NLGN1: variants seen among roughly 807,000 people sequenced by gnomAD.
NLGN1 encodes the protein neuroligin-1.
Under a neutral mutation model 65.5 loss-of-function variants are expected in NLGN1, and 12 were observed. The ratio of observed to expected loss-of-function variants is 0.18; its 90% CI spans 0.12 to 0.30. The LOEUF is 0.30. Ranked by LOEUF, NLGN1 falls within the 10% of genes least tolerant of loss-of-function variation. NLGN1 has a pLI of 1.00. For missense variants in NLGN1, 750 were observed against 1,007.1 expected, an observed-to-expected ratio of 0.74 and a Z score of 3.46; for synonymous variants, 350 against 359.5, an observed-to-expected ratio of 0.97 and a Z score of 0.30.
Position 173,675,887 on chromosome 3 carries a change from T to TCTCA in NLGN1, c.493+70797_493+70798insTCAC, listed in dbSNP as rs756157881. ...CTCTTTGTCTCTCTCTCTCTCTCTC[T>TCTCA]CACACACACACACACACACACACAC... On this transcript the variant is annotated intron_variant, in intron 3 of 6. Transcript: ENST00000457714. Among the ~76,000 whole-genome samples, 974 of 138,616 alleles carry TCTCA rather than the reference T, an allele frequency of 7.0e-3. 13 individuals are homozygous for TCTCA. The highest frequency in any genetic ancestry group is 0.019 in the African/African-American group (676 of 35,692). 90.9% of individuals were successfully genotyped at this position (138,616 alleles called of 152,430 possible). A position where few individuals can be genotyped will look rare whatever the true frequency, so the allele number is the denominator to read the frequency against.
At chr3:174,018,119 T>C (rs1726989889) in intron 4 of NLGN1, among the ~76,000 whole-genome samples, 1 of 152,140 alleles carries the variant, frequency 6.6e-6, no homozygotes, top group African/African-American at 2.4e-5. Context: ...AATTCAGCAA[T>C]ATTTCTCCTA....
intron 4 of NLGN1, among the ~76,000 whole-genome samples, chr3:173,952,016 T>C (rs1485414420): frequency 1.3e-5 from 2 of 152,202 alleles, no homozygotes; most frequent in South Asian, 2.1e-4. Flanking sequence ...ACATTTAATA[T>C]TGCACCTGAT....
intron 4 of NLGN1, among the ~76,000 whole-genome samples, chr3:174,145,609 T>A (rs1723082735): frequency 6.6e-6 from 1 of 152,176 alleles, no homozygotes; most frequent in Non-Finnish European, 1.5e-5. Context: ...TAAAAATGAA[T>A]CATCATTCTT....
intron 4 of NLGN1, among the ~76,000 whole-genome samples, chr3:174,118,421 A>G (rs1717021765): frequency 6.6e-6 from 1 of 152,194 alleles, no homozygotes; most frequent in South Asian, 2.1e-4. Flanking sequence ...TGTTTGTTGC[A>G]GGCTCTGAGA....
intron 3 of NLGN1, among the ~76,000 whole-genome samples, chr3:173,768,763 C>T (rs1265207998): frequency 2.6e-5 from 4 of 152,132 alleles, no homozygotes; most frequent in African/African-American, 4.8e-5. Context: ...AGCCCCAAAA[C>T]CAAACTAACA....
chr3:174,238,368 TTTG>T (rs1377081693), intron 4 of NLGN1, among the ~76,000 whole-genome samples: 1 of 152,044 alleles, frequency 6.6e-6, no homozygotes, highest in Non-Finnish European at 1.5e-5. Flanking sequence ...TTCTTTTTTT[TTTG>T]TTGTTTGTTT....
intron 3 of NLGN1, among the ~76,000 whole-genome samples, chr3:173,630,184 A>T (rs1755460549): frequency 6.6e-6 from 1 of 152,176 alleles, no homozygotes; most frequent in African/African-American, 2.4e-5. Flanking sequence ...AACAAGGAGA[A>T]AAGAGCTTAA....
chr3:174,227,571 A>AT (rs1739950512), intron 4 of NLGN1, among the ~76,000 whole-genome samples: 1 of 152,084 alleles, frequency 6.6e-6, no homozygotes, highest in African/African-American at 2.4e-5. Context: ...GGAAAGTTAT[A>AT]TTTTTAGGTA....
At chr3:174,066,560 C>CTGTGTGTGTGTG (rs1326570279) in intron 4 of NLGN1, among the ~76,000 whole-genome samples, 25 of 133,986 alleles carry the variant, frequency 1.9e-4, no homozygotes, top group African/African-American at 6.5e-4. Context: ...CTCTCTCTCT[C>CTGTGTGTGTGTG]TCTCTGTGTG....
intron 4 of NLGN1, among the ~76,000 whole-genome samples, chr3:174,222,908 C>A (rs1237035422): frequency 6.6e-6 from 1 of 151,930 alleles, no homozygotes; most frequent in Non-Finnish European, 1.5e-5. Flanking sequence ...TAACTTTTTT[C>A]TTTCTACTTC....
intron 4 of NLGN1, among the ~76,000 whole-genome samples, chr3:174,137,522 C>T (rs1029078249): frequency 3.3e-5 from 5 of 152,098 alleles, no homozygotes; most frequent in African/African-American, 1.2e-4. Flanking sequence ...CTAAAATCTA[C>T]TTTGGCAAAC....
chr3:173,941,623 CT>C (rs1272164423), intron 4 of NLGN1, among the ~76,000 whole-genome samples: 1 of 151,468 alleles, frequency 6.6e-6, no homozygotes, highest in African/African-American at 2.4e-5. Flanking sequence ...CTTTTGAGGG[CT>C]TTTTTAGATA....
At chr3:174,286,307 A>G (rs1461204787) in exon 7 of NLGN1, 1 of 151,468 alleles carries the variant, frequency 6.6e-6, no homozygotes, top group African/African-American at 2.4e-5. Context: ...AATTGCTAGC[A>G]GTTTTGAGTT....
chr3:173,823,256 C>T (rs1201543870), intron 4 of NLGN1, among the ~76,000 whole-genome samples: 2 of 152,054 alleles, frequency 1.3e-5, no homozygotes, highest in South Asian at 2.1e-4. Flanking sequence ...ACTTTTGGAT[C>T]GGTGCTGTCT....
chr3:173,565,677 A>G lies in NLGN1; in HGVS notation c.-320-38602A>G, dbSNP rs367575944. Among the ~76,000 whole-genome samples the G allele has an allele frequency of 1.1e-4, 17 of 152,292 alleles. 1 individual carries two copies. Among genetic ancestry groups the G allele is most frequent in the Admixed American group, 2.0e-4 (3 of 15,306 alleles). ...AGAGAAAAAAGCAGCAGCTCCAGAC[A>G]TGCGTCTTCAAATTCCTAGTTATAT... On this transcript the variant is annotated intron_variant, in intron 2 of 6. Transcript: ENST00000457714.
At chr3:174,266,436 A>C (rs1197261179) in intron 4 of NLGN1, among the ~76,000 whole-genome samples, 1 of 152,036 alleles carries the variant, frequency 6.6e-6, no homozygotes, top group Non-Finnish European at 1.5e-5. Flanking sequence ...TATGTACGAC[A>C]TTTTCTTTAT....
chr3:173,861,563 C>T (rs955580713), intron 4 of NLGN1, among the ~76,000 whole-genome samples: 11 of 142,834 alleles, frequency 7.7e-5, no homozygotes, highest in South Asian at 2.3e-4. Flanking sequence ...TGTGTATATA[C>T]ACACACACAT....
At chr3:174,207,998 T>C (rs1735747995) in intron 4 of NLGN1, among the ~76,000 whole-genome samples, 1 of 152,212 alleles carries the variant, frequency 6.6e-6, no homozygotes, top group African/African-American at 2.4e-5. Flanking sequence ...TCAAACCCCT[T>C]GACACATTAT....
At chr3:174,016,076 G>C (rs760972568) in intron 4 of NLGN1, among the ~76,000 whole-genome samples, 4 of 152,136 alleles carry the variant, frequency 2.6e-5, no homozygotes, top group Admixed American at 1.3e-4. Context: ...AGAGTAGATA[G>C]TATTGGGTTC....
Sources: allele counts gnomAD v4.1 joint callset (sites outside exome capture counted in the v4.1 genomes callset), GRCh38; gene constraint gnomAD v4.1.1; transcripts MANE v1.5; gene names NCBI Gene and HGNC (gene_info 2026-07-23, HGNC 2026-07-21).